DSCAM: variants seen among roughly 807,000 people sequenced by gnomAD.
DSCAM encodes the protein cell adhesion molecule DSCAM.
DSCAM carries 47 observed loss-of-function variants against 217.7 expected under a neutral mutation model. The observed-to-expected ratio is 0.22, with a 90% CI of 0.17 to 0.28. The LOEUF is 0.28. Ranked by LOEUF, DSCAM falls within the 10% of genes least tolerant of loss-of-function variation. The probability of loss-of-function intolerance (pLI) is 1.00; values close to 1 mark genes in which losing one functional copy is unlikely to be tolerated. For synonymous variants in DSCAM, 1,056 were observed against 1,015.3 expected, an observed-to-expected ratio of 1.04 and a Z score of -0.76; for missense variants, 2,080 against 2,618.3, an observed-to-expected ratio of 0.79 and a Z score of 4.49.
intron 19 of DSCAM, among the ~76,000 whole-genome samples, chr21:40,131,036 G>A (rs756964591): frequency 4.9e-4 from 74 of 152,280 alleles, no homozygotes; most frequent in Non-Finnish European, 8.8e-4. Flanking sequence ...GCCTAAAATA[G>A]TATCTTATTG....
At chr21:40,348,256 T>TCCCTA (rs1339489458) in intron 5 of DSCAM, among the ~76,000 whole-genome samples, 64 of 152,280 alleles carry the variant, frequency 4.2e-4, no homozygotes, top group African/African-American at 1.5e-3. Context: ...CCCCATACGG[T>TCCCTA]TCCTATCAGC....
rs1402184397 is a variant in DSCAM at position 40,821,417 on chromosome 21, A to ACC, written c.43+25200_43+25201dup. 2.9e-3 allele frequency among the ~76,000 whole-genome samples: 444 copies of ACC among 150,922 alleles called. 4 individuals are homozygous for ACC. The highest frequency in any genetic ancestry group is 0.01 in the African/African-American group (425 of 41,006). ...CGCACACACACACACACACACACAC[A>ACC]CCCCACAGCAGTGCTTTCAATGCCT... On this transcript the variant is annotated intron_variant, in intron 1 of 32. Transcript: ENST00000400454.
intron 27 of DSCAM, among the ~76,000 whole-genome samples, chr21:40,064,921 C>A (rs915900081): frequency 6.6e-5 from 10 of 152,062 alleles, no homozygotes; most frequent in Non-Finnish European, 1.5e-5. Flanking sequence ...GTGCTGTGAA[C>A]TAGCATCCAC....
chr21:40,693,587 A>ATT, intron 2 of DSCAM, among the ~76,000 whole-genome samples: 1 of 151,768 alleles, frequency 6.6e-6, no homozygotes, highest in African/African-American at 2.4e-5. Context: ...GCCGAGGAAG[A>ATT]TTTTTTTTTC....
At chr21:40,577,439 T>C (rs1333252218) in intron 3 of DSCAM, among the ~76,000 whole-genome samples, 2 of 135,068 alleles carry the variant, frequency 1.5e-5, no homozygotes, top group African/African-American at 2.5e-5. Context: ...GACCTGAAAA[T>C]TGTTTCCTCA....
intron 8 of DSCAM, among the ~76,000 whole-genome samples, chr21:40,323,674 C>T (rs1045361597): frequency 6.6e-6 from 1 of 152,180 alleles, no homozygotes; most frequent in African/African-American, 2.4e-5. Flanking sequence ...CAGTTTTTCT[C>T]TCTAATAATT....
intron 3 of DSCAM, among the ~76,000 whole-genome samples, chr21:40,499,225 T>C (rs1189483006): frequency 6.6e-6 from 1 of 152,186 alleles, no homozygotes; most frequent in Non-Finnish European, 1.5e-5. Context: ...TGTGGTCATA[T>C]ACCACAATAG....
chr21:40,515,352 T>C (rs1224112246), intron 3 of DSCAM, among the ~76,000 whole-genome samples: 1 of 152,216 alleles, frequency 6.6e-6, no homozygotes, highest in African/African-American at 2.4e-5. Context: ...ACTCACCACT[T>C]GATAACAAGT....
intron 3 of DSCAM, among the ~76,000 whole-genome samples, chr21:40,544,297 C>T (rs1411008952): frequency 6.6e-6 from 1 of 152,210 alleles, no homozygotes; most frequent in African/African-American, 2.4e-5. Context: ...TCGGAAACTT[C>T]ACATGAATAG....
chr21:40,721,876 G>A (rs1217081498), intron 1 of DSCAM, among the ~76,000 whole-genome samples: 1 of 151,866 alleles, frequency 6.6e-6, no homozygotes, highest in Non-Finnish European at 1.5e-5. Context: ...TGATTAAATT[G>A]TTCAAATCCA....
intron 11 of DSCAM, among the ~76,000 whole-genome samples, chr21:40,203,506 C>T (rs990098828): frequency 2.0e-5 from 3 of 152,188 alleles, no homozygotes; most frequent in Admixed American, 6.5e-5. Context: ...TAGTACCCTG[C>T]GTGCATATTG....
chr21:40,345,133 C>T (rs1380651652), intron 6 of DSCAM, among the ~76,000 whole-genome samples: 3 of 152,094 alleles, frequency 2.0e-5, no homozygotes, highest in African/African-American at 4.8e-5. Context: ...CTTTCCCATA[C>T]GTTCACTCTT....
chr21:40,308,284 A>G lies in DSCAM; in HGVS notation c.2062+3797T>C, dbSNP rs951738224. 2.6e-5 allele frequency among the ~76,000 whole-genome samples: 4 copies of G among 152,140 alleles called. No individual in the cohort carries two copies. In the East Asian group the frequency reaches 5.8e-4, roughly 22 times the overall value. On this transcript the variant is annotated intron_variant, in intron 9 of 32. Coordinates refer to ENST00000400454, the MANE Select transcript of DSCAM (RefSeq NM_001389.5). ...ACTAGTGGAGAAGTTTTATCTTGCC[A>G]AGAATCTTCTTAGGCTCTTTTAGGG... is the stretch of plus-strand genomic sequence containing the variant.
chr21:40,828,660 T>TTC (rs1731952689), intron 1 of DSCAM, among the ~76,000 whole-genome samples: 2 of 138,288 alleles, frequency 1.4e-5, no homozygotes, highest in African/African-American at 6.2e-5. Flanking sequence ...CCCACCCTCT[T>TTC]TTTTTTTTTT....
chr21:40,540,966 T>A (rs2076538720), intron 3 of DSCAM, among the ~76,000 whole-genome samples: 1 of 152,086 alleles, frequency 6.6e-6, no homozygotes, highest in Admixed American at 6.6e-5. Flanking sequence ...TGAGCTCAAG[T>A]GATTACCCTG....
intron 3 of DSCAM, among the ~76,000 whole-genome samples, chr21:40,421,195 T>C (rs13047607): frequency 0.091 from 13,789 of 152,244 alleles, 737 homozygotes; most frequent in Non-Finnish European, 0.13. Context: ...GTATCACCAC[T>C]GCCTGCAGCT....
chr21:40,081,961 T>C (rs1297729928), intron 24 of DSCAM, among the ~76,000 whole-genome samples: 1 of 152,198 alleles, frequency 6.6e-6, no homozygotes, highest in Non-Finnish European at 1.5e-5. Flanking sequence ...CTCATTTCAT[T>C]TGAGCCTAAA....
chr21:40,806,148 C>T (rs990739332), intron 1 of DSCAM, among the ~76,000 whole-genome samples: 8 of 152,202 alleles, frequency 5.3e-5, no homozygotes, highest in Non-Finnish European at 8.8e-5. Context: ...CCCTGGAAGC[C>T]TTCTCACTAT....
intron 28 of DSCAM, among the ~76,000 whole-genome samples, chr21:40,057,844 G>T (rs1356037712): frequency 6.6e-6 from 1 of 150,898 alleles, no homozygotes; most frequent in Non-Finnish European, 1.5e-5. Context: ...AGGCTGGAGT[G>T]CAGTGATGCA....
Sources: allele counts gnomAD v4.1 joint callset (sites outside exome capture counted in the v4.1 genomes callset), GRCh38; gene constraint gnomAD v4.1.1; transcripts MANE v1.5; gene names NCBI Gene and HGNC (gene_info 2026-07-23, HGNC 2026-07-21).